The following IMPG1 variants were observed in gnomAD, a reference collection of about 807,000 sequenced individuals.
IMPG1 encodes the protein interphotoreceptor matrix proteoglycan 1.
In IMPG1, 85 loss-of-function variants were observed where a neutral mutation model predicts 92.0. The observed-to-expected ratio is 0.92, with a 90% CI of 0.78 to 1.11. The LOEUF is 1.11. Among genes scored for constraint, IMPG1 ranks in the 50% least tolerant of loss-of-function variants. The pLI, the probability that IMPG1 is intolerant of heterozygous loss-of-function variation, is 0.00. For missense variants in IMPG1, 1,022 were observed against 956.0 expected (o/e 1.07, Z -0.91); for synonymous variants, 367 against 334.1 (o/e 1.10, Z -1.08).
chr6:76,012,653 C>T (rs1783206835), intron 7 of IMPG1, among the ~76,000 whole-genome samples: 1 of 152,328 alleles, frequency 6.6e-6, no homozygotes, highest in South Asian at 2.1e-4. Flanking sequence ...TGAAACTGAA[C>T]AGGTGAGCAG....
chr6:76,054,874 G>A (rs774566375), intron 1 of IMPG1, among the ~76,000 whole-genome samples: 23 of 152,130 alleles, frequency 1.5e-4, no homozygotes, highest in Non-Finnish European at 2.6e-4. Context: ...AATGATAACA[G>A]TTTAAAAGTC....
intron 12 of IMPG1, among the ~76,000 whole-genome samples, chr6:75,974,375 C>CT (rs1410206252): frequency 0.028 from 2,336 of 83,344 alleles, 82 homozygotes; most frequent in East Asian, 0.078. Flanking sequence ...TTCTTTCTTT[C>CT]TTTCTTTCTT....
At chr6:75,955,998 T>C (rs1782113861) in intron 12 of IMPG1, among the ~76,000 whole-genome samples, 2 of 152,184 alleles carry the variant, frequency 1.3e-5, no homozygotes, top group African/African-American at 2.4e-5. Flanking sequence ...TGGATTCAGT[T>C]TGTCCGGATT....
chr6:75,930,316 AGAG>A (rs549274863), intron 15 of IMPG1, among the ~76,000 whole-genome samples: 37 of 152,356 alleles, frequency 2.4e-4, no homozygotes, highest in African/African-American at 7.7e-4. Context: ...AGTTAAAAAA[AGAG>A]GACTATAAAA....
At chr6:75,962,409 A>T (rs557126466) in intron 12 of IMPG1, among the ~76,000 whole-genome samples, 1 of 152,180 alleles carries the variant, frequency 6.6e-6, no homozygotes, top group African/African-American at 2.4e-5. Context: ...GACATGACCC[A>T]TCATGTCCAG....
intron 15 of IMPG1, among the ~76,000 whole-genome samples, chr6:75,924,591 T>TAATATATA (rs1781499498): frequency 6.4e-5 from 2 of 31,340 alleles, no homozygotes; most frequent in Non-Finnish European, 1.3e-4. Flanking sequence ...TATAATTATA[T>TAATATATA]ATTATATATA....
At chr6:76,021,165 A>C (rs1338187238) in intron 6 of IMPG1, among the ~76,000 whole-genome samples, 1 of 152,118 alleles carries the variant, frequency 6.6e-6, no homozygotes, top group Non-Finnish European at 1.5e-5. Context: ...TAACCGGAAC[A>C]TTTCCTTTCT....
chr6:75,942,715 G>A (rs1057513354), intron 14 of IMPG1, among the ~76,000 whole-genome samples: 2 of 152,124 alleles, frequency 1.3e-5, no homozygotes, highest in East Asian at 3.9e-4. Context: ...AGAAAATTTG[G>A]ATCAGCCAAT....
rs1362072799 is a variant in IMPG1, at chr6:76,034,295, A to T, written c.497+20T>A. 1.2e-6 allele frequency: 2 copies of T among 1,605,242 alleles called. No homozygotes were observed. The highest frequency in any genetic ancestry group is 1.7e-6 in the Non-Finnish European group (2 of 1,172,282). ...TAAATTCAAAAGCACACACACACACACTCTATTTTGGGTACTTGCCTGTCA... is the reference window on the plus strand; with the variant it reads ...TAAATTCAAAAGCACACACACACACTCTCTATTTTGGGTACTTGCCTGTCA... On this transcript the variant is annotated intron_variant, in intron 4 of 16. Transcript: ENST00000369950.
intron 2 of IMPG1, among the ~76,000 whole-genome samples, chr6:76,035,011 T>C (rs1309635730): frequency 2.0e-5 from 3 of 151,776 alleles, no homozygotes; most frequent in East Asian, 1.9e-4. Context: ...TGTGTGTGTG[T>C]GTGTGCGTGT....
chr6:75,960,073 G>A (rs546271657), intron 12 of IMPG1, among the ~76,000 whole-genome samples: 18 of 152,168 alleles, frequency 1.2e-4, no homozygotes, highest in Non-Finnish European at 2.4e-4. Context: ...GGAATGCACC[G>A]TTCCTCACGG....
chr6:75,965,308 C>T (rs757736378), intron 12 of IMPG1, among the ~76,000 whole-genome samples: 1 of 151,838 alleles, frequency 6.6e-6, no homozygotes, highest in African/African-American at 2.4e-5. Context: ...TACATTTCCA[C>T]CACCAGCAAT....
At chr6:75,996,762 A>G (rs1407832535) in intron 12 of IMPG1, among the ~76,000 whole-genome samples, 2 of 152,144 alleles carry the variant, frequency 1.3e-5, no homozygotes, top group African/African-American at 2.4e-5. Flanking sequence ...GTGCTGCACT[A>G]TGGCTTCCTC....
At chr6:76,002,574 G>T (rs1783012882) in intron 12 of IMPG1, among the ~76,000 whole-genome samples, 1 of 152,202 alleles carries the variant, frequency 6.6e-6, no homozygotes, top group Non-Finnish European at 1.5e-5. Flanking sequence ...GACCTACCTT[G>T]TCCTCATGGA....
intron 15 of IMPG1, among the ~76,000 whole-genome samples, chr6:75,926,588 G>A (rs1032212093): frequency 6.6e-6 from 1 of 152,164 alleles, no homozygotes; most frequent in African/African-American, 2.4e-5. Context: ...AGCATAGTAG[G>A]CCTATGAAAT....
rs1781422995 is a variant in IMPG1 at position 75,921,268 on chromosome 6, A to G, written c.*821T>C. ...TACATTGATGCCAGTCTAGGTATAC[A>G]CACACTAAAGTTGGTGTGAGGAAAT... On this transcript the variant is annotated 3_prime_UTR_variant, in exon 17 of 17. Coordinates refer to ENST00000369950, the MANE Select transcript of IMPG1 (RefSeq NM_001563.4). The G allele has an allele frequency of 6.6e-6, 1 of 152,224 alleles. No individual in the cohort carries two copies. Among genetic ancestry groups the G allele is most frequent in the African/African-American group, 2.4e-5 (1 of 41,452 alleles). The allele number at this position is 152,224 out of a possible 1,614,324, so 9.4% of individuals were successfully genotyped here.
chr6:75,997,786 A>G (rs1782926617), intron 12 of IMPG1, among the ~76,000 whole-genome samples: 1 of 152,170 alleles, frequency 6.6e-6, no homozygotes. Flanking sequence ...AGGAATAAGA[A>G]CATATCTTTT....
rs1346350227 is a variant in IMPG1 at position 75,957,194 on chromosome 6, A to T, written c.1292-6100T>A. ...CGGCTTCCCAAAGTGCTGGGATTAC[A>T]GGCATGAGCCACTGTGCCCAGCCGT... On this transcript the variant is annotated intron_variant, in intron 12 of 16. Coordinates refer to ENST00000369950, the MANE Select transcript of IMPG1 (RefSeq NM_001563.4). Among the ~76,000 whole-genome samples the T allele has an allele frequency of 3.9e-5, 6 of 152,244 alleles. No homozygotes were observed. The East Asian group carries it at 1.2e-3, about 29-fold the overall frequency.
At chr6:76,064,655 G>T (rs758357296) in intron 1 of IMPG1, among the ~76,000 whole-genome samples, 3 of 152,120 alleles carry the variant, frequency 2.0e-5, no homozygotes, top group Non-Finnish European at 4.4e-5. Context: ...ACACAGCATT[G>T]TCTCTCACTT....
Sources: gnomAD v4.1 joint callset for allele counts (sites outside exome capture counted in the v4.1 genomes callset) on GRCh38, gnomAD v4.1.1 for gene constraint, MANE v1.5 for transcripts, NCBI Gene and HGNC (gene_info 2026-07-23, HGNC 2026-07-21) for gene names.